Variants in BLM observed in about 807,000 individuals in gnomAD.
BLM encodes recQ-like DNA helicase BLM.
BLM carries 95 observed loss-of-function variants against 135.3 expected under a neutral mutation model. That is an observed-to-expected ratio of 0.70 (90% CI 0.59 to 0.83). BLM has a LOEUF of 0.83. Ranked by LOEUF, BLM falls within the 40% of genes least tolerant of loss-of-function variation. The pLI is 0.00. For synonymous variants in BLM, 520 were observed against 589.2 expected (o/e 0.88, Z 1.70); for missense variants, 1,518 against 1,663.9 (o/e 0.91, Z 1.53).
At chr15:90,799,167 A>G (rs1392903559) in intron 17 of BLM, among the ~76,000 whole-genome samples, 1 of 151,872 alleles carries the variant, frequency 6.6e-6, no homozygotes, top group East Asian at 1.9e-4. Flanking sequence ...CCATCTCAAA[A>G]AAAGAAAGAA....
intron 1 of BLM, among the ~76,000 whole-genome samples, chr15:90,741,622 G>T (rs147180641): frequency 4.6e-4 from 70 of 151,986 alleles, no homozygotes; most frequent in African/African-American, 1.6e-3. Context: ...ACTATGAAGG[G>T]TCTGAGATTT....
intron 1 of BLM, among the ~76,000 whole-genome samples, chr15:90,739,146 A>C (rs1001580732): frequency 6.6e-6 from 1 of 152,164 alleles, no homozygotes; most frequent in Non-Finnish European, 1.5e-5. Context: ...TTGTAATCCC[A>C]GCCCTTTGGG....
chr15:90,738,574 C>CAA (rs1423587057), intron 1 of BLM, among the ~76,000 whole-genome samples: 1 of 146,326 alleles, frequency 6.8e-6, no homozygotes, highest in Non-Finnish European at 1.5e-5. Context: ...AAAAACAAAA[C>CAA]AAAACAAAAC....
chr15:90,811,104 A>G, intron 20 of BLM, 101 bp from the exon 21 acceptor site: 2 of 1,216,064 alleles, frequency 1.6e-6, no homozygotes, highest in Non-Finnish European at 2.4e-6. Context: ...GCAGCTAGGT[A>G]TCTGCTAAAA....
At chr15:90,795,260 C>T (rs1487162713) in intron 16 of BLM, among the ~76,000 whole-genome samples, 4 of 152,152 alleles carry the variant, frequency 2.6e-5, no homozygotes, top group African/African-American at 9.7e-5. Context: ...AGGAGGATCA[C>T]CTGAGGTCAA....
Position 90,769,525 on chromosome 15 carries a change from A to C in BLM, c.2494A>C (p.Thr832Pro). Residue 832 changes from threonine (T) to proline (P), a missense_variant, in exon 12 of 22, where the codon ACA becomes CCA. Physicochemically the swap from Thr to Pro is conservative, Grantham distance 38 (BLOSUM62 -1). Coordinates refer to ENST00000355112, the MANE Select transcript of BLM (RefSeq NM_000057.4). ...PSVPVMALTA[T>P]ANPRVQKDIL... ...TGTTCCGGTGATGGCTCTTACGGCC[A>C]CAGCTAATCCCAGGGTACAGAAGGA... 6.2e-7 allele frequency: 1 copy of C among 1,614,020 alleles called. No homozygotes were observed. The highest frequency in any genetic ancestry group is 8.5e-7 in the Non-Finnish European group (1 of 1,179,946).
Position 90,761,003 on chromosome 15 carries a change from G to A in BLM, c.1630G>A (p.Glu544Lys), listed in dbSNP as rs752494229. Residue 544 changes from glutamate to lysine, a missense_variant, in exon 7 of 22, where the codon GAA becomes AAA. This residue lies in a region of BLM where 724 missense variants were observed against 756.9 expected (regional missense o/e 0.96). Transcript: ENST00000355112. ...ACATACTGCTTCAATAAATGACTTA[G>A]AAAGAGAAACCCAACCTTCCTATGA... ...NKHTASINDLERETQPSYDID... is the reference protein window; with the variant it reads ...NKHTASINDLKRETQPSYDID... 30 of 1,608,472 alleles carry A rather than the reference G, an allele frequency of 1.9e-5. No homozygotes were observed. In the South Asian group the frequency reaches 3.2e-4, roughly 17 times the overall value.
At position 90,760,129 on chromosome 15, in the gene BLM, A is replaced by G. The variant is rs2151157054; in HGVS notation, c.1088-18A>G. 6.2e-7 allele frequency: 1 copy of G among 1,605,992 alleles called. No individual in the cohort carries two copies. The highest frequency in any genetic ancestry group is 8.5e-7 in the Non-Finnish European group (1 of 1,173,344). On this transcript the variant is annotated intron_variant, in intron 5 of 21. Transcript: ENST00000355112. ...TTTTCCCTCAAAGAAAAATATTAACAACATAATTATTTTATAGCTAGACAG... is the reference window on the plus strand; with the variant it reads ...TTTTCCCTCAAAGAAAAATATTAACGACATAATTATTTTATAGCTAGACAG...
At chr15:90,796,429 C>G (rs1008855105) in intron 16 of BLM, among the ~76,000 whole-genome samples, 2 of 152,186 alleles carry the variant, frequency 1.3e-5, no homozygotes, top group African/African-American at 2.4e-5. Flanking sequence ...ATATTGTACA[C>G]TTCGCAGCCA....
At chr15:90,777,868 C>T (rs1025519715) in intron 12 of BLM, among the ~76,000 whole-genome samples, 8 of 152,132 alleles carry the variant, frequency 5.3e-5, no homozygotes, top group African/African-American at 1.7e-4. Context: ...TGTTTGTGCC[C>T]GGCTTCTTTC....
intron 1 of BLM, among the ~76,000 whole-genome samples, chr15:90,746,949 T>G (rs1895516636): frequency 6.6e-6 from 1 of 152,192 alleles, no homozygotes; most frequent in Admixed American, 6.5e-5. Context: ...AGTTCTGCCC[T>G]TGTGCAGAAT....
intron 1 of BLM, among the ~76,000 whole-genome samples, chr15:90,744,440 T>A (rs1437736447): frequency 2.0e-5 from 3 of 152,118 alleles, no homozygotes; most frequent in Admixed American, 2.0e-4. Flanking sequence ...TGGCACAATC[T>A]CGGTTCACTG....
Position 90,798,221 on chromosome 15 carries a change from T to C in BLM, c.3242T>C (p.Val1081Ala), listed in dbSNP as rs762716289. 1 of 1,609,120 alleles carries C rather than the reference T, an allele frequency of 6.2e-7. No homozygotes were observed. Among genetic ancestry groups the C allele is most frequent in the African/African-American group, 1.3e-5 (1 of 74,782 alleles). ...AAAACAAGAGATGTGACTGACGATG[T>C]GAAAAGTATTGTAAGATTTGTTCAA... ...DYKTRDVTDD[V>A]KSIVRFVQEH... Residue 1081 changes from valine (V) to alanine (A), a missense_variant, in exon 17 of 22, where the codon GTG (valine) becomes GCG (alanine). By Grantham distance (64) the Val-to-Ala change is moderately conservative. Around this residue, in one of 5 missense-constraint regions of BLM, gnomAD observed 626 missense variants for 681.1 expected, o/e 0.92. Transcript: ENST00000355112.
intron 20 of BLM, among the ~76,000 whole-genome samples, chr15:90,809,478 G>C (rs1443708605): frequency 6.6e-6 from 1 of 152,040 alleles, no homozygotes; most frequent in Admixed American, 6.6e-5. Flanking sequence ...ATCCAAAAGG[G>C]GACCTTTGGG....
At chr15:90,782,785 T>C (rs766958583) in intron 12 of BLM, 37 bp from the exon 13 acceptor site, 13 of 1,483,590 alleles carry the variant, frequency 8.8e-6, no homozygotes, top group Non-Finnish European at 1.2e-5. Flanking sequence ...TCATATTTTC[T>C]CATAATAACT....
At chr15:90,750,142 A>G in intron 3 of BLM, 75 bp downstream of exon 3, 1 of 1,465,512 alleles carries the variant, frequency 6.8e-7, no homozygotes, top group South Asian at 1.2e-5. Context: ...GGGAATAGTC[A>G]TGAATATATA....
chr15:90,792,281 T>A (rs373327863), intron 15 of BLM, among the ~76,000 whole-genome samples: 2 of 152,070 alleles, frequency 1.3e-5, no homozygotes, highest in East Asian at 3.9e-4. Context: ...AATTTTTGTA[T>A]TTTTAGTAGA....
intron 9 of BLM, among the ~76,000 whole-genome samples, chr15:90,765,762 A>G (rs867154022): frequency 6.6e-6 from 1 of 152,134 alleles, no homozygotes; most frequent in Non-Finnish European, 1.5e-5. Context: ...CTGCACACAT[A>G]TATCTTTTTT....
At position 90,777,482 on chromosome 15, in the gene BLM, T is replaced by C. The variant is rs1451698179; in HGVS notation, c.2556-5340T>C. Among the ~76,000 whole-genome samples, 3 of 152,160 alleles carry C rather than the reference T, an allele frequency of 2.0e-5. 1 individual carries two copies. The highest frequency in any genetic ancestry group is 7.2e-5 in the African/African-American group (3 of 41,440). On this transcript the variant is annotated intron_variant, in intron 12 of 21. Transcript: ENST00000355112. ...TTTTCAATTCACATAAACTATTTAG[T>C]ACACATCCCATGACAACTATTGTCA... is the stretch of plus-strand genomic sequence containing the variant.
Sources: gnomAD v4.1 joint callset for allele counts (sites outside exome capture counted in the v4.1 genomes callset) on GRCh38, gnomAD v4.1.1 for gene constraint, gnomAD v4.1.1 regional missense constraint, MANE v1.5 for transcripts, NCBI Gene and HGNC (gene_info 2026-07-23, HGNC 2026-07-21) for gene names.